Variants in LYRM7 observed in about 807,000 individuals in gnomAD.
LYRM7 encodes complex III assembly factor LYRM7.
LYRM7 carries 9 observed loss-of-function variants against 15.8 expected under a neutral mutation model. That is an observed-to-expected ratio of 0.57 (90% CI 0.34 to 0.99). The LOEUF (loss-of-function observed/expected upper bound fraction) is 0.99. Among genes scored for constraint, LYRM7 ranks in the 50% least tolerant of loss-of-function variants. The probability of loss-of-function intolerance (pLI) is 0.02; values close to 1 mark genes in which losing one functional copy is unlikely to be tolerated. For synonymous variants in LYRM7, 39 were observed against 39.4 expected, an observed-to-expected ratio of 0.99 and a Z score of 0.04; for missense variants, 115 against 119.1, an observed-to-expected ratio of 0.97 and a Z score of 0.16.
intron 3 of LYRM7, among the ~76,000 whole-genome samples, chr5:131,184,385 T>G (rs1247868368): frequency 6.6e-6 from 1 of 151,970 alleles, no homozygotes; most frequent in African/African-American, 2.4e-5. Flanking sequence ...TTTATTTTTT[T>G]GGGTAGAGAG....
intron 3 of LYRM7, among the ~76,000 whole-genome samples, chr5:131,183,964 T>C (rs1755753805): frequency 6.6e-6 from 1 of 152,080 alleles, no homozygotes; most frequent in Non-Finnish European, 1.5e-5. Context: ...TTTTTTGTTT[T>C]TGTTTTGTTT....
At chr5:131,181,404 T>TACATATATATGTTTATATATATATA (rs1755704508) in intron 2 of LYRM7, among the ~76,000 whole-genome samples, 1 of 110,848 alleles carries the variant, frequency 9.0e-6, no homozygotes, top group Non-Finnish European at 1.7e-5. Flanking sequence ...ATATTATATA[T>TACATATATATGTTTATATATATATA]ACATATATAT....
chr5:131,182,230 A>G lies in LYRM7; in HGVS notation c.93A>G (p.Ala31=). The change falls in exon 3 of 5, where the codon GCA becomes GCG. Residue 31 remains alanine (A), a splice_region_variant and synonymous_variant. Transcript: ENST00000379380. The part of the protein sequence containing the change: ...VFKNDARALE[A]ARIKINEEFK... ...CTATATGTATTTTTCTCTTTGTAGC[A>G]GCCAGAATAAAGATAAATGAAGAAT... The G allele has an allele frequency of 7.0e-7, 1 of 1,427,562 alleles. No homozygotes were observed. The highest frequency in any genetic ancestry group is 9.5e-7 in the Non-Finnish European group (1 of 1,051,510). The allele number at this position is 1,427,562 out of a possible 1,614,324, so 88.4% of individuals were successfully genotyped here.
chr5:131,183,145 C>A (rs975504010), intron 3 of LYRM7, among the ~76,000 whole-genome samples: 9 of 151,748 alleles, frequency 5.9e-5, no homozygotes, highest in African/African-American at 2.2e-4. Context: ...ATAAAAAATG[C>A]ATTTATATTT....
chr5:131,173,785 A>T (rs1395528514), intron 1 of LYRM7, among the ~76,000 whole-genome samples: 1 of 152,218 alleles, frequency 6.6e-6, no homozygotes, highest in African/African-American at 2.4e-5. Flanking sequence ...TACCTTAAAT[A>T]AAAAAATACT....
At chr5:131,180,290 T>C (rs1487266912) in intron 2 of LYRM7, 123 bp downstream of exon 2, 1 of 575,016 alleles carries the variant, frequency 1.7e-6, no homozygotes, top group African/African-American at 2.0e-5. Flanking sequence ...CTCTCTGATA[T>C]CTTTTATAAA....
chr5:131,193,303 T>C (rs1755913623), intron 4 of LYRM7, among the ~76,000 whole-genome samples: 1 of 152,220 alleles, frequency 6.6e-6, no homozygotes, highest in Non-Finnish European at 1.5e-5. Flanking sequence ...ACAGATCTGG[T>C]TCCTATCCAG....
chr5:131,201,173 G>T lies in LYRM7; in HGVS notation c.*1572G>T, dbSNP rs945782465. 6.6e-6 allele frequency: 1 copy of T among 151,712 alleles called. No individual in the cohort carries two copies. The highest frequency in any genetic ancestry group is 1.9e-4 in the East Asian group (1 of 5,146). The allele number at this position is 151,712 out of a possible 1,614,324, so 9.4% of individuals were successfully genotyped here. On this transcript the variant is annotated 3_prime_UTR_variant, in exon 5 of 5. Transcript: ENST00000379380. ...TACTAAAAACACAAAAATTAGCCAG[G>T]TATGGTGGCGGGCGCCTGTAGTCCC...
At chr5:131,173,484 G>A (rs1016939249) in intron 1 of LYRM7, among the ~76,000 whole-genome samples, 6 of 152,206 alleles carry the variant, frequency 3.9e-5, no homozygotes, top group Admixed American at 6.5e-5. Flanking sequence ...GGTGGCTCAC[G>A]CCTGTAATCC....
chr5:131,178,961 C>CAAAAA (rs58612746), intron 1 of LYRM7, among the ~76,000 whole-genome samples: 5 of 62,920 alleles, frequency 7.9e-5, no homozygotes, highest in African/African-American at 2.3e-4. Flanking sequence ...GACTCCGTCT[C>CAAAAA]AAAAAAAAAA....
intron 1 of LYRM7, 128 bp from the exon 2 acceptor site, chr5:131,179,967 G>T (rs910130419): frequency 4.7e-6 from 3 of 631,862 alleles, no homozygotes; most frequent in East Asian, 2.9e-5. Context: ...AGAGATGGGG[G>T]TCTCACCATA....
intron 1 of LYRM7, among the ~76,000 whole-genome samples, chr5:131,179,610 A>G (rs1755658734): frequency 6.6e-6 from 1 of 151,498 alleles, no homozygotes; most frequent in Non-Finnish European, 1.5e-5. Flanking sequence ...CTAGGACCAC[A>G]GGTGCACACC....
At chr5:131,181,640 AT>A (rs1006034670) in intron 2 of LYRM7, among the ~76,000 whole-genome samples, 22 of 151,654 alleles carry the variant, frequency 1.5e-4, no homozygotes, top group Admixed American at 6.6e-4. Flanking sequence ...GGATTGTTCC[AT>A]TAAACGCTCA....
intron 4 of LYRM7, among the ~76,000 whole-genome samples, chr5:131,198,872 A>G (rs1756014100): frequency 6.6e-6 from 1 of 152,092 alleles, no homozygotes; most frequent in Non-Finnish European, 1.5e-5. Flanking sequence ...CACCCGGCCA[A>G]AAATTTGTAT....
At chr5:131,173,794 C>CT (rs903703812) in intron 1 of LYRM7, among the ~76,000 whole-genome samples, 1 of 152,152 alleles carries the variant, frequency 6.6e-6, no homozygotes, top group Non-Finnish European at 1.5e-5. Context: ...TAAAAAAATA[C>CT]TTTTTTGCTA....
rs1756087457 is a variant in LYRM7, at chr5:131,202,424, G to A, written c.*2823G>A. ...CAGGAGAATTACTTGAGCCAGGGAAGCAGAGGTTGTGGTGAGCTAAGATTG... is the reference window on the plus strand; with the variant it reads ...CAGGAGAATTACTTGAGCCAGGGAAACAGAGGTTGTGGTGAGCTAAGATTG... On this transcript the variant is annotated 3_prime_UTR_variant, in exon 5 of 5. Transcript: ENST00000379380. 6.6e-6 allele frequency: 1 copy of A among 152,296 alleles called. No individual in the cohort carries two copies. 9.4% of individuals were successfully genotyped at this position (152,296 alleles called of 1,614,324 possible).
At chr5:131,179,611 G>A (rs1011024532) in intron 1 of LYRM7, among the ~76,000 whole-genome samples, 1 of 151,350 alleles carries the variant, frequency 6.6e-6, no homozygotes, top group Non-Finnish European at 1.5e-5. Context: ...TAGGACCACA[G>A]GTGCACACCA....
rs1756101884 is a variant in LYRM7, at chr5:131,203,051, G to A, written c.*3450G>A. 2 of 152,376 alleles carry A rather than the reference G, an allele frequency of 1.3e-5. No individual in the cohort carries two copies. The highest frequency in any genetic ancestry group is 2.1e-4 in the South Asian group (1 of 4,820). 9.4% of individuals were successfully genotyped at this position (152,376 alleles called of 1,614,324 possible). A position where few individuals can be genotyped will look rare whatever the true frequency, so the allele number is the denominator to read the frequency against. ...ACAGCATCAGTACAATACCAAAAAA[G>A]CACACAAGAATAAGAATATGTGGAA... On this transcript the variant is annotated 3_prime_UTR_variant, in exon 5 of 5. Transcript: ENST00000379380.
chr5:131,176,703 T>C (rs2149659605), intron 1 of LYRM7, among the ~76,000 whole-genome samples: 1 of 152,236 alleles, frequency 6.6e-6, no homozygotes, highest in South Asian at 2.1e-4. Context: ...ATAGGTAATT[T>C]TTCCACCCTC....
Sources: allele counts gnomAD v4.1 joint callset (sites outside exome capture counted in the v4.1 genomes callset), GRCh38; gene constraint gnomAD v4.1.1; transcripts MANE v1.5; gene names NCBI Gene and HGNC (gene_info 2026-07-23, HGNC 2026-07-21).